The following SLC25A13 variants were observed in gnomAD, a reference collection of about 807,000 sequenced individuals.
SLC25A13 encodes solute carrier family 25 member 13, also known as electrogenic aspartate/glutamate antiporter SLC25A13, mitochondrial.
In SLC25A13, 70 loss-of-function variants were observed where a neutral mutation model predicts 85.5. The observed-to-expected ratio is 0.82, with a 90% CI of 0.68 to 1.00. The LOEUF (loss-of-function observed/expected upper bound fraction) is 1.00. Ranked by LOEUF, SLC25A13 falls within the 50% of genes least tolerant of loss-of-function variation. The probability of loss-of-function intolerance (pLI) is 0.00; values close to 1 mark genes in which losing one functional copy is unlikely to be tolerated. For synonymous variants in SLC25A13, 259 were observed against 288.7 expected, an observed-to-expected ratio of 0.90 and a Z score of 1.04; for missense variants, 765 against 819.8, an observed-to-expected ratio of 0.93 and a Z score of 0.82.
intron 1 of SLC25A13, among the ~76,000 whole-genome samples, chr7:96,312,579 C>G (rs1359182377): frequency 6.6e-6 from 1 of 152,146 alleles, no homozygotes; most frequent in African/African-American, 2.4e-5. Flanking sequence ...TTCTTGAAAA[C>G]AAATCTAGTA....
At chr7:96,277,694 C>G (rs1057301309) in intron 2 of SLC25A13, among the ~76,000 whole-genome samples, 23 of 151,922 alleles carry the variant, frequency 1.5e-4, no homozygotes, top group South Asian at 8.3e-4. Context: ...ACAGACAGTT[C>G]TCCAGCCCAA....
At chr7:96,233,334 A>G (rs1362381522) in intron 4 of SLC25A13, among the ~76,000 whole-genome samples, 1 of 152,214 alleles carries the variant, frequency 6.6e-6, no homozygotes, top group Middle Eastern at 3.2e-3. Flanking sequence ...TCATTACTTG[A>G]AGATTTAAAT....
At chr7:96,238,635 C>T (rs780050994) in intron 3 of SLC25A13, among the ~76,000 whole-genome samples, 1 of 152,108 alleles carries the variant, frequency 6.6e-6, no homozygotes, top group Non-Finnish European at 1.5e-5. Context: ...GCCCGCCACA[C>T]TATAGACTTC....
rs377724262 is a variant in SLC25A13, at chr7:96,184,284, C to A, written c.1170G>T (p.Leu390=). The change falls in exon 11 of 18, where the codon CTG becomes CTT. Residue 390 remains leucine (L), a synonymous_variant. Transcript: ENST00000265631. ...KVLRYEGFFG[L]YRGLLPQLLG... is the part of the protein sequence containing the mutation. The stretch of plus-strand genomic sequence containing the variant: ...TGAGCATGTGGCACTAACCTCTATA[C>A]AGTCCAAAGAAGCCTTCATAGCGTA... 255 of 1,614,018 alleles carry A rather than the reference C, an allele frequency of 1.6e-4. No homozygotes were observed. The highest frequency in any genetic ancestry group is 2.1e-4 in the Non-Finnish European group (245 of 1,180,012).
intron 4 of SLC25A13, chr7:96,219,651 C>T (rs771453357): frequency 6.0e-5 from 32 of 533,196 alleles, no homozygotes; most frequent in African/African-American, 5.2e-4. Context: ...AGCCCCACAC[C>T]CAAAAATTAT....
chr7:96,121,069 C>A lies in SLC25A13; in HGVS notation c.*122G>T, dbSNP rs1019639081. On this transcript the variant is annotated 3_prime_UTR_variant, in exon 18 of 18. Coordinates refer to ENST00000265631, the MANE Select transcript of SLC25A13 (RefSeq NM_014251.3). ...TGAATGATTTCACATGATAAAAAAG[C>A]CTGGACTTGAATTTAAACAAGAGAT... The A allele has an allele frequency of 2.8e-6, 3 of 1,064,422 alleles. No individual in the cohort carries two copies. The highest frequency in any genetic ancestry group is 3.7e-5 in the Admixed American group (2 of 53,822). The allele number at this position is 1,064,422 out of a possible 1,614,324, so 65.9% of individuals were successfully genotyped here. A position where few individuals can be genotyped will look rare whatever the true frequency, so the allele number is the denominator to read the frequency against.
intron 1 of SLC25A13, among the ~76,000 whole-genome samples, chr7:96,321,239 C>T (rs953241282): frequency 6.6e-6 from 1 of 152,174 alleles, no homozygotes; most frequent in African/African-American, 2.4e-5. Context: ...AGTACAACTT[C>T]ACAGGAGTGA....
chr7:96,184,573 CT>C (rs1794549773), intron 10 of SLC25A13, 138 bp from the exon 11 acceptor site: 1 of 783,920 alleles, frequency 1.3e-6, no homozygotes, highest in African/African-American at 1.7e-5. Flanking sequence ...ACAGTACTAC[CT>C]TTCTTATATC....
At chr7:96,197,274 T>C (rs1795098268) in intron 5 of SLC25A13, among the ~76,000 whole-genome samples, 1 of 152,216 alleles carries the variant, frequency 6.6e-6, no homozygotes, top group African/African-American at 2.4e-5. Context: ...GTTGCCTATT[T>C]TTGTGGAAAA....
chr7:96,202,353 A>G (rs1035885076), intron 5 of SLC25A13, among the ~76,000 whole-genome samples: 4 of 152,192 alleles, frequency 2.6e-5, no homozygotes, highest in Non-Finnish European at 5.9e-5. Context: ...GAGTAAAACT[A>G]TGATAAAATA....
chr7:96,216,590 C>G (rs1037081416), intron 4 of SLC25A13, among the ~76,000 whole-genome samples: 18 of 152,132 alleles, frequency 1.2e-4, no homozygotes, highest in Non-Finnish European at 1.5e-5. Context: ...GAGATCATGT[C>G]CCTTGCAGGA....
Position 96,146,573 on chromosome 7 carries a change from AC to A in SLC25A13, c.1434del (p.Phe480LeufsTer28). 1 of 1,613,346 alleles carries A rather than the reference AC, an allele frequency of 6.2e-7. No homozygotes were observed. The highest frequency in any genetic ancestry group is 8.5e-7 in the Non-Finnish European group (1 of 1,179,902). The stretch of plus-strand genomic sequence containing the variant: ...AAAGTTACCTTGTAGATCCCAAAAA[AC>A]CCCAGGTCCCGCACGACAGACAGAG... The part of the protein sequence containing the change: ...VSALSVVRDL[G>X]FFGIYKGAKA... On this transcript the variant is annotated frameshift_variant, in exon 14 of 18. Coordinates refer to ENST00000265631, the MANE Select transcript of SLC25A13 (RefSeq NM_014251.3). LOFTEE classifies it high-confidence loss of function.
chr7:96,158,404 A>G (rs900875896), intron 13 of SLC25A13, among the ~76,000 whole-genome samples: 2 of 152,220 alleles, frequency 1.3e-5, no homozygotes, highest in Non-Finnish European at 2.9e-5. Context: ...CGCAATTTCA[A>G]CTATATTTTA....
At chr7:96,290,087 G>T (rs1174691906) in intron 2 of SLC25A13, among the ~76,000 whole-genome samples, 1 of 152,006 alleles carries the variant, frequency 6.6e-6, no homozygotes, top group Admixed American at 6.6e-5. Context: ...TCTCCCGACA[G>T]ATCTCTGGCC....
chr7:96,187,183 A>G (rs145101644), intron 9 of SLC25A13, among the ~76,000 whole-genome samples: 2 of 152,364 alleles, frequency 1.3e-5, no homozygotes, highest in East Asian at 1.9e-4. Context: ...ACATATAGTC[A>G]GTGCTTAATA....
At chr7:96,233,413 G>A (rs1388334141) in intron 4 of SLC25A13, among the ~76,000 whole-genome samples, 2 of 152,212 alleles carry the variant, frequency 1.3e-5, no homozygotes, top group African/African-American at 4.8e-5. Context: ...GGAACTGGGT[G>A]ATGGAAATAA....
chr7:96,276,793 T>C (rs1157413323), intron 3 of SLC25A13, among the ~76,000 whole-genome samples: 1 of 152,236 alleles, frequency 6.6e-6, no homozygotes. Context: ...CACCTGTGAA[T>C]TTTTAAAGGC....
chr7:96,123,399 G>A (rs1288691984), intron 15 of SLC25A13, among the ~76,000 whole-genome samples: 1 of 152,164 alleles, frequency 6.6e-6, no homozygotes, highest in Non-Finnish European at 1.5e-5. Flanking sequence ...AATAAAAGCC[G>A]CCTTGCAATG....
intron 1 of SLC25A13, among the ~76,000 whole-genome samples, chr7:96,312,365 T>G (rs1799981667): frequency 6.6e-6 from 1 of 152,224 alleles, no homozygotes; most frequent in Non-Finnish European, 1.5e-5. Context: ...CTTGGAACAG[T>G]GTCCGGCTTT....
Sources: allele counts gnomAD v4.1 joint callset (sites outside exome capture counted in the v4.1 genomes callset), GRCh38; gene constraint gnomAD v4.1.1; transcripts MANE v1.5; gene names NCBI Gene and HGNC (gene_info 2026-07-23, HGNC 2026-07-21).